SHCBP1L: variants seen among roughly 807,000 people sequenced by gnomAD.
The protein encoded by SHCBP1L is SHC binding and spindle associated 1 like.
SHCBP1L carries 67 observed loss-of-function variants against 62.5 expected under a neutral mutation model. That is an observed-to-expected ratio of 1.07 (90% CI 0.88 to 1.31). The LOEUF (loss-of-function observed/expected upper bound fraction) is 1.31, where lower values mean the gene tolerates loss of function less well. SHCBP1L is among the 40% of genes most tolerant of loss of function. The pLI, the probability that SHCBP1L is intolerant of heterozygous loss-of-function variation, is 0.00. For missense variants in SHCBP1L, 823 were observed against 809.8 expected (o/e 1.02, Z -0.20); for synonymous variants, 284 against 289.4 (o/e 0.98, Z 0.19).
chr1:182,931,248 C>CA (rs1317658052), intron 5 of SHCBP1L, among the ~76,000 whole-genome samples: 2 of 146,790 alleles, frequency 1.4e-5, no homozygotes, highest in Non-Finnish European at 3.0e-5. Flanking sequence ...CATTCATACA[C>CA]TTTTTTTTTT....
chr1:182,919,497 G>A (rs1005061009), intron 6 of SHCBP1L, among the ~76,000 whole-genome samples: 3 of 152,134 alleles, frequency 2.0e-5, no homozygotes, highest in Admixed American at 2.0e-4. Flanking sequence ...ACTCTGTTGT[G>A]TTGAGGATTA....
At chr1:182,920,889 G>C (rs1650508320) in intron 6 of SHCBP1L, among the ~76,000 whole-genome samples, 1 of 152,118 alleles carries the variant, frequency 6.6e-6, no homozygotes, top group Admixed American at 6.5e-5. Context: ...ATTATGTAAA[G>C]AGACCAAACC....
At chr1:182,936,678 T>C (rs190000427) in intron 5 of SHCBP1L, among the ~76,000 whole-genome samples, 2 of 152,178 alleles carry the variant, frequency 1.3e-5, no homozygotes, top group Admixed American at 1.3e-4. Flanking sequence ...TTTATTTCAG[T>C]AATCCATGAG....
Position 182,940,544 on chromosome 1 carries a change from C to T in SHCBP1L, c.556-1G>A. The T allele has an allele frequency of 6.2e-7, 1 of 1,611,534 alleles. No homozygotes were observed. The highest frequency in any genetic ancestry group is 8.5e-7 in the Non-Finnish European group (1 of 1,178,484). ...AGTCTTGGTATGGTTCACAAGTTACCTAAGATAAATATCATAAGAGATAAG... is the reference window on the plus strand; with the variant it reads ...AGTCTTGGTATGGTTCACAAGTTACTTAAGATAAATATCATAAGAGATAAG... On this transcript the variant is annotated splice_acceptor_variant, in intron 2 of 9. Coordinates refer to ENST00000367547, the MANE Select transcript of SHCBP1L (RefSeq NM_030933.4). LOFTEE classifies it high-confidence loss of function.
intron 6 of SHCBP1L, among the ~76,000 whole-genome samples, chr1:182,928,004 T>C (rs1168402986): frequency 6.6e-6 from 1 of 152,236 alleles, no homozygotes; most frequent in Non-Finnish European, 1.5e-5. Context: ...GCAAGATTTA[T>C]ACCTTTTTAA....
intron 6 of SHCBP1L, among the ~76,000 whole-genome samples, chr1:182,909,545 A>T (rs1047032202): frequency 2.0e-5 from 3 of 152,258 alleles, no homozygotes; most frequent in Non-Finnish European, 2.9e-5. Context: ...CTTGAACAAC[A>T]TGGGTTTGAA....
At chr1:182,924,935 GAAGAAAGAAAGA>G (rs71127327) in intron 6 of SHCBP1L, among the ~76,000 whole-genome samples, 29 of 62,378 alleles carry the variant, frequency 4.6e-4, no homozygotes, top group South Asian at 1.5e-3. Flanking sequence ...AGGAAGGAAG[GAAGAAAGAAAGA>G]AAGAAAGAAA....
intron 5 of SHCBP1L, among the ~76,000 whole-genome samples, chr1:182,936,062 T>C (rs2101947909): frequency 6.6e-6 from 1 of 152,060 alleles, no homozygotes; most frequent in South Asian, 2.1e-4. Context: ...AGGTTGCACT[T>C]GTCCTTTGTT....
chr1:182,915,594 T>C (rs957156859), intron 6 of SHCBP1L, among the ~76,000 whole-genome samples: 18 of 152,080 alleles, frequency 1.2e-4, no homozygotes, highest in African/African-American at 4.1e-4. Flanking sequence ...AGACCTAACA[T>C]ACATATATAC....
rs768222617 is a variant in SHCBP1L at position 182,900,031 on chromosome 1, A to C, written c.1914T>G (p.Asn638Lys). The change falls in exon 10 of 10, where the codon AAT becomes AAG. Residue 638 changes from asparagine to lysine, a missense_variant. By Grantham distance (94) the Asn-to-Lys change is moderately conservative (BLOSUM62 0). Coordinates refer to ENST00000367547, the MANE Select transcript of SHCBP1L (RefSeq NM_030933.4). The stretch of plus-strand genomic sequence containing the variant: ...CCCCCTTGACGTTTGCTTCTATCTT[A>C]TTATTATTCATTTCCAGATTCAGAT... ...MQNLNLEMNNNKIEANVKGDI... is the reference protein window; with the variant it reads ...MQNLNLEMNNKKIEANVKGDI... 1 of 1,613,188 alleles carries C rather than the reference A, an allele frequency of 6.2e-7. No homozygotes were observed. Among genetic ancestry groups the C allele is most frequent in the South Asian group, 1.1e-5 (1 of 90,982 alleles).
At chr1:182,934,236 A>G (rs961692629) in intron 5 of SHCBP1L, among the ~76,000 whole-genome samples, 1 of 152,040 alleles carries the variant, frequency 6.6e-6, no homozygotes, top group Non-Finnish European at 1.5e-5. Flanking sequence ...CTATGGTTAA[A>G]CTATGTTTCA....
At chr1:182,940,567 AAGAGAT>A (rs1294439924) in intron 2 of SHCBP1L, 24 bp from the exon 3 acceptor site, 1 of 1,591,886 alleles carries the variant, frequency 6.3e-7, no homozygotes, top group East Asian at 2.3e-5. Context: ...CATAAGAGAT[AAGAGAT>A]ATAGTTATAA....
chr1:182,915,142 A>G (rs1342483217), intron 6 of SHCBP1L, among the ~76,000 whole-genome samples: 9 of 139,352 alleles, frequency 6.5e-5, no homozygotes, highest in Non-Finnish European at 1.4e-4. Flanking sequence ...ATTCTGGGCA[A>G]CAGAGGCAGA....
At chr1:182,924,060 C>T (rs1237862203) in intron 6 of SHCBP1L, among the ~76,000 whole-genome samples, 3 of 152,032 alleles carry the variant, frequency 2.0e-5, no homozygotes, top group African/African-American at 7.2e-5. Flanking sequence ...AATCAATGTA[C>T]AAAAATCCAT....
chr1:182,911,938 T>C (rs1650202201), intron 6 of SHCBP1L, among the ~76,000 whole-genome samples: 2 of 152,220 alleles, frequency 1.3e-5, no homozygotes, highest in South Asian at 4.1e-4. Flanking sequence ...GGGTGTGCTG[T>C]TACTTTGTAT....
At chr1:182,913,522 AG>A (rs1650255889) in intron 6 of SHCBP1L, among the ~76,000 whole-genome samples, 1 of 152,184 alleles carries the variant, frequency 6.6e-6, no homozygotes, top group African/African-American at 2.4e-5. Context: ...ATATGGTTTG[AG>A]TGTTTTCCTA....
chr1:182,924,593 G>A (rs531756546), intron 6 of SHCBP1L, among the ~76,000 whole-genome samples: 3 of 150,974 alleles, frequency 2.0e-5, no homozygotes, highest in East Asian at 1.9e-4. Flanking sequence ...ACCGCGCCCC[G>A]CCAAAAGAAT....
At chr1:182,939,856 G>A (rs1344123552) in intron 3 of SHCBP1L, among the ~76,000 whole-genome samples, 1 of 152,062 alleles carries the variant, frequency 6.6e-6, no homozygotes, top group Non-Finnish European at 1.5e-5. Context: ...ATTTGTATGG[G>A]AGGAAAACAT....
chr1:182,922,287 A>T (rs1426082760), intron 6 of SHCBP1L, among the ~76,000 whole-genome samples: 2 of 152,162 alleles, frequency 1.3e-5, no homozygotes, highest in African/African-American at 4.8e-5. Context: ...ACTCTACACG[A>T]CCAAATGGAC....
Sources: allele counts gnomAD v4.1 joint callset (sites outside exome capture counted in the v4.1 genomes callset), GRCh38; gene constraint gnomAD v4.1.1; transcripts MANE v1.5; gene names NCBI Gene and HGNC (gene_info 2026-07-23, HGNC 2026-07-21).